C1QTNF3: variants seen among roughly 807,000 people sequenced by gnomAD.
C1QTNF3 encodes the protein complement C1q tumor necrosis factor-related protein 3.
In C1QTNF3, 26 loss-of-function variants were observed where a neutral mutation model predicts 32.6. That is an observed-to-expected ratio of 0.80 (90% CI 0.58 to 1.11). The LOEUF is 1.11. C1QTNF3 is among the 50% of genes least tolerant of loss of function. C1QTNF3 has a pLI of 0.00. For synonymous variants in C1QTNF3, 155 were observed against 146.0 expected (o/e 1.06, Z -0.44); for missense variants, 362 against 398.2 (o/e 0.91, Z 0.77).
chr5:34,105,292 G>A, the C1QTNF3 span, among the ~76,000 whole-genome samples: 1 of 151,978 alleles, frequency 6.6e-6, no homozygotes, highest in Non-Finnish European at 1.5e-5. Context: ...TCATATATGA[G>A]GATAGAGCAA....
the C1QTNF3 span, among the ~76,000 whole-genome samples, chr5:34,227,685 T>G: frequency 3.9e-5 from 6 of 152,092 alleles, no homozygotes; most frequent in South Asian, 8.3e-4. Flanking sequence ...TTCATTCTAC[T>G]GGCAATGGGT....
chr5:34,066,884 C>G, the C1QTNF3 span, among the ~76,000 whole-genome samples: 2 of 152,112 alleles, frequency 1.3e-5, no homozygotes, highest in South Asian at 4.1e-4. Context: ...TTCCAGGCTG[C>G]AAATTTTCTG....
the C1QTNF3 span, among the ~76,000 whole-genome samples, chr5:34,207,174 G>T: frequency 6.6e-6 from 1 of 152,052 alleles, no homozygotes; most frequent in African/African-American, 2.4e-5. Context: ...GTCGGTGGAA[G>T]AATTTTTTTT....
the C1QTNF3 span, among the ~76,000 whole-genome samples, chr5:34,139,544 AT>A: frequency 2.5e-4 from 38 of 152,292 alleles, no homozygotes; most frequent in African/African-American, 8.9e-4. Context: ...CATAGAAAAT[AT>A]CCTTTGATAA....
At chr5:34,163,657 G>C in the C1QTNF3 span, among the ~76,000 whole-genome samples, 1 of 152,012 alleles carries the variant, frequency 6.6e-6, no homozygotes, top group Admixed American at 6.6e-5. Flanking sequence ...CAAAAAACCA[G>C]ACTGGACATA....
chr5:34,244,100 C>A, the C1QTNF3 span, among the ~76,000 whole-genome samples: 1 of 152,112 alleles, frequency 6.6e-6, no homozygotes, highest in Non-Finnish European at 1.5e-5. Context: ...TCTCTTATGT[C>A]ATTTTCATAG....
At chr5:34,069,641 G>A in the C1QTNF3 span, among the ~76,000 whole-genome samples, 5 of 152,136 alleles carry the variant, frequency 3.3e-5, no homozygotes, top group African/African-American at 1.2e-4. Flanking sequence ...TAAAGGGAAT[G>A]GATACATTAC....
chr5:34,135,381 A>AT, the C1QTNF3 span, among the ~76,000 whole-genome samples: 279 of 150,144 alleles, frequency 1.9e-3, no homozygotes, highest in Middle Eastern at 0.017. Flanking sequence ...AAATTCTCTT[A>AT]TTTTTTTTTG....
the C1QTNF3 span, among the ~76,000 whole-genome samples, chr5:34,234,343 T>C: frequency 1.3e-5 from 2 of 152,156 alleles, no homozygotes; most frequent in Non-Finnish European, 2.9e-5. Flanking sequence ...TATTACCAAA[T>C]TGTATCTTCC....
chr5:34,241,953 G>GAGGGAAGA, the C1QTNF3 span, among the ~76,000 whole-genome samples: 2 of 91,392 alleles, frequency 2.2e-5, no homozygotes, highest in South Asian at 7.1e-4. Context: ...GGGAGGGAGG[G>GAGGGAAGA]AAGGAAGGAA....
intron 2 of C1QTNF3, among the ~76,000 whole-genome samples, chr5:34,035,148 A>G (rs1754704553): frequency 6.6e-6 from 1 of 152,184 alleles, no homozygotes; most frequent in South Asian, 2.1e-4. Flanking sequence ...CACAGTACAG[A>G]TGACTGAATT....
chr5:34,094,260 A>G, the C1QTNF3 span, among the ~76,000 whole-genome samples: 6 of 152,054 alleles, frequency 3.9e-5, no homozygotes, highest in Admixed American at 6.6e-5. Context: ...CAAAAACAAC[A>G]TAAGAGTGAT....
the C1QTNF3 span, among the ~76,000 whole-genome samples, chr5:34,202,693 T>G: frequency 6.6e-6 from 1 of 152,210 alleles, no homozygotes; most frequent in Non-Finnish European, 1.5e-5. Flanking sequence ...TATACATATG[T>G]ACATTGTATT....
chr5:34,211,136 T>C, the C1QTNF3 span, among the ~76,000 whole-genome samples: 1 of 151,408 alleles, frequency 6.6e-6, no homozygotes, highest in African/African-American at 2.4e-5. Context: ...CACAATTAGT[T>C]TCATATATGT....
chr5:34,159,427 C>A, the C1QTNF3 span, among the ~76,000 whole-genome samples: 1 of 151,898 alleles, frequency 6.6e-6, no homozygotes, highest in Non-Finnish European at 1.5e-5. Flanking sequence ...GTGACAAAAT[C>A]ATAATGACCT....
Position 34,033,463 on chromosome 5 carries a change from A to C in C1QTNF3, c.416-5T>G. 1 of 1,614,116 alleles carries C rather than the reference A, an allele frequency of 6.2e-7. No homozygotes were observed. The highest frequency in any genetic ancestry group is 8.5e-7 in the Non-Finnish European group (1 of 1,180,012). ...TGCCATTGTTTCCATGGTTTCCTTA[A>C]ACAACCAGACATCATCACATGAGAA... On this transcript the variant is annotated splice_polypyrimidine_tract_variant and splice_region_variant and intron_variant, in intron 2 of 5. Transcript: ENST00000382065.
At chr5:34,028,193 C>G (rs549413819) in intron 4 of C1QTNF3, among the ~76,000 whole-genome samples, 2 of 152,328 alleles carry the variant, frequency 1.3e-5, no homozygotes, top group African/African-American at 4.8e-5. Context: ...AGGATAGTCT[C>G]TATCTACTGA....
At chr5:34,068,601 CAG>C in the C1QTNF3 span, among the ~76,000 whole-genome samples, 1 of 151,692 alleles carries the variant, frequency 6.6e-6, no homozygotes, top group Non-Finnish European at 1.5e-5. Context: ...TGTCTTTATG[CAG>C]AGATATTAAA....
the C1QTNF3 span, among the ~76,000 whole-genome samples, chr5:34,102,265 CTTCA>C: frequency 6.6e-6 from 1 of 152,188 alleles, no homozygotes; most frequent in Non-Finnish European, 1.5e-5. Flanking sequence ...TTATTTTTCT[CTTCA>C]TTATTTATAC....
Sources: gnomAD v4.1 joint callset for allele counts (sites outside exome capture counted in the v4.1 genomes callset) on GRCh38, gnomAD v4.1.1 for gene constraint, MANE v1.5 for transcripts, NCBI Gene and HGNC (gene_info 2026-07-23, HGNC 2026-07-21) for gene names.